Variants in WNT9B observed in about 807,000 individuals in gnomAD.
WNT9B encodes protein Wnt-9b.
WNT9B carries 12 observed loss-of-function variants against 30.2 expected under a neutral mutation model. The ratio of observed to expected loss-of-function variants is 0.40; its 90% CI spans 0.26 to 0.64. The LOEUF is 0.64. WNT9B is among the 30% of genes least tolerant of loss of function. WNT9B has a pLI of 0.42. For synonymous variants in WNT9B, 218 were observed against 216.9 expected (o/e 1.01, Z -0.05); for missense variants, 442 against 485.2 (o/e 0.91, Z 0.84).
exon 5 of WNT9B, chr17:46,886,340 A>G (rs2085488437): frequency 6.6e-6 from 1 of 152,258 alleles, no homozygotes; most frequent in Admixed American, 6.5e-5. Context: ...AAAGATGCAT[A>G]GAACTATTGG....
In WNT9B at chr17:46,851,760, C is replaced by A; in HGVS notation, c.77+45C>A. ...CCCGCCCGCTCCCCGGCCTGCCTGT[C>A]TCTCCCTCCTGCGCTACAGCTGGGC... On this transcript the variant is annotated intron_variant, in intron 1 of 3. Coordinates refer to ENST00000290015, the MANE Select transcript of WNT9B (RefSeq NM_003396.3). This position sits in a 1 kb window ranked among gnomAD's most constrained non-coding sequence, Gnocchi z 4.3. The A allele has an allele frequency of 3.9e-6, 4 of 1,026,202 alleles. No homozygotes were observed. Among genetic ancestry groups the A allele is most frequent in the Non-Finnish European group, 5.0e-6 (4 of 792,560 alleles). The allele number at this position is 1,026,202 out of a possible 1,614,324, so 63.6% of individuals were successfully genotyped here.
chr17:46,857,520 T>C (rs2084959131), intron 1 of WNT9B, among the ~76,000 whole-genome samples: 1 of 152,116 alleles, frequency 6.6e-6, no homozygotes, highest in Non-Finnish European at 1.5e-5. Flanking sequence ...TTTGCAGTTT[T>C]GGACTATTCC....
intron 1 of WNT9B, among the ~76,000 whole-genome samples, chr17:46,841,256 G>C (rs1399029519): frequency 1.3e-5 from 2 of 152,182 alleles, no homozygotes; most frequent in Non-Finnish European, 2.9e-5. Context: ...TCGGAGAAAC[G>C]GAGGCTCTGA....
chr17:46,876,748 T>C lies in WNT9B; in HGVS notation c.*30T>C. On this transcript the variant is annotated 3_prime_UTR_variant, in exon 4 of 4. Transcript: ENST00000290015. Reference sequence around the variant, plus strand: ...ACTGCCCAGCAAGCCAGTCTGGCACTGCCAGGACCTCCTGTGGCACCCTTC... The same window carrying C: ...ACTGCCCAGCAAGCCAGTCTGGCACCGCCAGGACCTCCTGTGGCACCCTTC... 1 of 1,512,118 alleles carries C rather than the reference T, an allele frequency of 6.6e-7. No individual in the cohort carries two copies. Among genetic ancestry groups the C allele is most frequent in the African/African-American group, 1.4e-5 (1 of 72,308 alleles). The allele number at this position is 1,512,118 out of a possible 1,614,324, so 93.7% of individuals were successfully genotyped here. A position where few individuals can be genotyped will look rare whatever the true frequency, so the allele number is the denominator to read the frequency against.
downstream of WNT9B, chr17:46,885,052 G>C (rs1198448219): frequency 1.4e-5 from 6 of 441,438 alleles, no homozygotes; most frequent in Non-Finnish European, 2.7e-5. Context: ...GCAGTGGCAA[G>C]ATCTCAGCTC....
intron 1 of WNT9B, among the ~76,000 whole-genome samples, chr17:46,854,306 A>T (rs1196844227): frequency 3.9e-5 from 6 of 152,224 alleles, no homozygotes; most frequent in Non-Finnish European, 7.3e-5. Context: ...TGGGAAAGTG[A>T]GGCAAAGCGC....
chr17:46,847,410 C>T (rs2084788682), upstream of WNT9B, among the ~76,000 whole-genome samples: 1 of 152,242 alleles, frequency 6.6e-6, no homozygotes, highest in African/African-American at 2.4e-5. Context: ...TGCTACCTCA[C>T]AGTGCTCCAG....
At position 46,872,597 on chromosome 17, in the gene WNT9B, A is replaced by G. The variant is rs982203838; in HGVS notation, c.158A>G (p.Lys53Arg). 13 of 1,612,084 alleles carry G rather than the reference A, an allele frequency of 8.1e-6. No individual in the cohort carries two copies. Among genetic ancestry groups the G allele is most frequent in the Non-Finnish European group, 1.0e-5 (12 of 1,179,142 alleles). Reference protein sequence around the residue: ...AAPAQGGAHLKQCDLLKLSRR... With the variant: ...AAPAQGGAHLRQCDLLKLSRR... ...CCGGCACAGGGCGGGGCCCACCTGA[A>G]GCAGTGTGACCTGCTGAAGCTGTCC... Residue 53 changes from lysine (K) to arginine (R), a missense_variant, in exon 2 of 4, where the codon AAG becomes AGG. Lys to Arg is a conservative substitution (Grantham distance 26). Transcript: ENST00000290015.
chr17:46,876,253 G>T lies in WNT9B; in HGVS notation c.609G>T (p.Lys203Asn), dbSNP rs2085343770. The T allele has an allele frequency of 6.2e-7, 1 of 1,607,374 alleles. No homozygotes were observed. Among genetic ancestry groups the T allele is most frequent in the Admixed American group, 1.7e-5 (1 of 59,756 alleles). ...TTCTGCCTCCCCCACAGGCTGTGAA[G>T]AGTGGCCTCAGGACCACGTGTAAGT... ...HNTHVGIKAV[K>N]SGLRTTCKCH... Residue 203 changes from lysine to asparagine, a missense_variant, in exon 4 of 4, where the codon AAG (lysine) becomes AAT (asparagine). Transcript: ENST00000290015.
upstream of WNT9B, among the ~76,000 whole-genome samples, chr17:46,847,082 T>C (rs866678794): frequency 3.9e-5 from 6 of 152,240 alleles, no homozygotes; most frequent in African/African-American, 1.2e-4. Context: ...ATTCTTGTCA[T>C]AGAAAACTAG....
At chr17:46,886,564 A>C (rs747282406) in exon 5 of WNT9B, 1 of 152,104 alleles carries the variant, frequency 6.6e-6, no homozygotes, top group Non-Finnish European at 1.5e-5. Flanking sequence ...TGGCCAGGTG[A>C]TTCAATTAAG....
At chr17:46,840,467 C>T (rs1240897290) in intron 1 of WNT9B, among the ~76,000 whole-genome samples, 1 of 152,222 alleles carries the variant, frequency 6.6e-6, no homozygotes, top group Admixed American at 6.5e-5. Context: ...CCACAATAAA[C>T]ATATGTGTGC....
chr17:46,885,964 G>A (rs1015192072), exon 5 of WNT9B: 1 of 152,244 alleles, frequency 6.6e-6, no homozygotes, highest in East Asian at 1.9e-4. Flanking sequence ...GCAAGATGAG[G>A]TGGGGAATGA....
At chr17:46,833,606 G>A (rs961073086) in intron 1 of WNT9B, among the ~76,000 whole-genome samples, 1 of 152,144 alleles carries the variant, frequency 6.6e-6, no homozygotes, top group Non-Finnish European at 1.5e-5. Context: ...CTGCTTCCCT[G>A]GCTCATGGAG....
In WNT9B at chr17:46,878,679, G is replaced by T. The variant is rs781626789; in HGVS notation, c.*1961G>T. On this transcript the variant is annotated 3_prime_UTR_variant, in exon 4 of 4. Coordinates refer to ENST00000290015, the MANE Select transcript of WNT9B (RefSeq NM_003396.3). ...TGCCTCCACCCAGGCTCAGTGCTGG[G>T]CGTAAGGCAGCAGGGACCTCACTGG... 6.6e-6 allele frequency among the ~76,000 whole-genome samples: 1 copy of T among 152,078 alleles called. No homozygotes were observed. Among genetic ancestry groups the T allele is most frequent in the Non-Finnish European group, 1.5e-5 (1 of 68,024 alleles).
At chr17:46,836,095 C>CACGTGTGTGTGTGT (rs771533837) in intron 1 of WNT9B, among the ~76,000 whole-genome samples, 1 of 126,502 alleles carries the variant, frequency 7.9e-6, no homozygotes, top group East Asian at 2.7e-4. Context: ...GAGACGCTGA[C>CACGTGTGTGTGTGT]GTGTGTGTGT....
At chr17:46,843,315 T>A (rs948163267) in intron 1 of WNT9B, among the ~76,000 whole-genome samples, 1 of 152,228 alleles carries the variant, frequency 6.6e-6, no homozygotes, top group African/African-American at 2.4e-5. Context: ...AAGGTATGCT[T>A]TGTAGGGTGA....
chr17:46,881,995 T>C (rs1431583482), downstream of WNT9B, among the ~76,000 whole-genome samples: 1 of 152,142 alleles, frequency 6.6e-6, no homozygotes, highest in Non-Finnish European at 1.5e-5. Context: ...AAATGTCCTT[T>C]ATAACATTAT....
At chr17:46,858,637 G>C (rs1295087187) in intron 1 of WNT9B, among the ~76,000 whole-genome samples, 1 of 152,058 alleles carries the variant, frequency 6.6e-6, no homozygotes, top group Non-Finnish European at 1.5e-5. Flanking sequence ...TTCTCATACA[G>C]CCCCTTCTCT....
Sources: gnomAD v4.1 joint callset for allele counts (sites outside exome capture counted in the v4.1 genomes callset) on GRCh38, gnomAD v4.1.1 for gene constraint, Gnocchi (gnomAD v3.1) non-coding constraint, MANE v1.5 for transcripts, NCBI Gene and HGNC (gene_info 2026-07-23, HGNC 2026-07-21) for gene names.